DCLK1: variants seen among roughly 807,000 people sequenced by gnomAD.
DCLK1 encodes serine/threonine-protein kinase DCLK1.
Under a neutral mutation model 86.2 loss-of-function variants are expected in DCLK1, and 16 were observed. The observed-to-expected ratio is 0.19, with a 90% CI of 0.13 to 0.28. DCLK1 has a LOEUF of 0.28. Among genes scored for constraint, DCLK1 ranks in the 10% least tolerant of loss-of-function variants. The pLI is 1.00. For synonymous variants in DCLK1, 369 were observed against 370.5 expected (o/e 1.00, Z 0.05); for missense variants, 590 against 940.2 (o/e 0.63, Z 4.87).
chr13:35,794,100 T>C (rs1027070604), intron 15 of DCLK1, among the ~76,000 whole-genome samples: 3 of 152,252 alleles, frequency 2.0e-5, no homozygotes, highest in Non-Finnish European at 2.9e-5. Flanking sequence ...AAGGTCTCTA[T>C]TCTCTGCTGG....
chr13:35,813,730 C>CTTTTTTT (rs35366486), intron 11 of DCLK1, among the ~76,000 whole-genome samples: 3 of 105,446 alleles, frequency 2.8e-5, no homozygotes, highest in Non-Finnish European at 3.9e-5. Flanking sequence ...CCCCGCCCCG[C>CTTTTTTT]TTTTTTTTTT....
At chr13:35,838,434 C>T (rs1416019420) in intron 7 of DCLK1, among the ~76,000 whole-genome samples, 4 of 152,092 alleles carry the variant, frequency 2.6e-5, no homozygotes, top group African/African-American at 9.7e-5. Flanking sequence ...AACCTGGTAA[C>T]AGCCTTCAGG....
chr13:35,968,015 G>A (rs557715335), intron 3 of DCLK1, among the ~76,000 whole-genome samples: 25 of 151,124 alleles, frequency 1.7e-4, no homozygotes, highest in African/African-American at 3.9e-4. Flanking sequence ...GCAAGACTCC[G>A]TCTCAAAAAT....
At chr13:35,910,768 T>C (rs562543423) in intron 4 of DCLK1, among the ~76,000 whole-genome samples, 1 of 152,296 alleles carries the variant, frequency 6.6e-6, no homozygotes, top group Non-Finnish European at 1.5e-5. Context: ...CAGAAATTGC[T>C]GGAGGCAGGA....
chr13:35,937,390 C>T (rs188075531), intron 4 of DCLK1, among the ~76,000 whole-genome samples: 2 of 152,248 alleles, frequency 1.3e-5, no homozygotes, highest in Admixed American at 1.3e-4. Context: ...GCCCCACCCA[C>T]CTCATCCCCA....
chr13:36,079,134 C>T (rs1307996953), intron 3 of DCLK1, among the ~76,000 whole-genome samples: 1 of 152,102 alleles, frequency 6.6e-6, no homozygotes, highest in East Asian at 1.9e-4. Flanking sequence ...GTGGAAATGC[C>T]TAGAATGTTA....
At position 35,976,676 on chromosome 13, in the gene DCLK1, G is replaced by A. The variant is rs1048595605; in HGVS notation, c.724-29219C>T. Among the ~76,000 whole-genome samples the A allele has an allele frequency of 7.3e-5, 11 of 151,436 alleles. No homozygotes were observed. In the South Asian group the frequency reaches 1.3e-3, roughly 17 times the overall value. On this transcript the variant is annotated intron_variant, in intron 3 of 16. Transcript: ENST00000360631. ...CTCCCAAGTAGCTGGGACTACAGGC[G>A]CCCGCCACTGCGCCCGGCTAATTTT...
At chr13:36,077,386 A>C (rs964024854) in intron 3 of DCLK1, among the ~76,000 whole-genome samples, 2 of 152,132 alleles carry the variant, frequency 1.3e-5, no homozygotes, top group African/African-American at 4.8e-5. Context: ...CCCCCCTTCT[A>C]GATGTCACCT....
chr13:36,061,066 C>A (rs2153159249), intron 3 of DCLK1, among the ~76,000 whole-genome samples: 1 of 152,244 alleles, frequency 6.6e-6, no homozygotes, highest in Middle Eastern at 3.4e-3. Flanking sequence ...TCACACAGAT[C>A]TTTTAAAAGA....
intron 3 of DCLK1, among the ~76,000 whole-genome samples, chr13:35,996,913 C>G (rs1038277095): frequency 6.6e-6 from 1 of 152,324 alleles, no homozygotes. Context: ...TAGCTATTTA[C>G]TCAGAGCTTC....
chr13:36,111,070 G>A lies in DCLK1; in HGVS notation c.723+799C>T, dbSNP rs80126312. ...AGGATGGTCTCGATCTCCTGACCTC[G>A]TGATCCGCCTGCCTCGGCCTCCCAA... On this transcript the variant is annotated intron_variant, in intron 3 of 16. Coordinates refer to ENST00000360631, the MANE Select transcript of DCLK1 (RefSeq NM_001330071.2). Among the ~76,000 whole-genome samples the A allele has an allele frequency of 2.7e-3, 410 of 151,822 alleles. 2 individuals are homozygous for A. Among genetic ancestry groups the A allele is most frequent in the African/African-American group, 9.5e-3 (392 of 41,404 alleles).
At chr13:35,944,040 G>A (rs1877234405) in intron 4 of DCLK1, among the ~76,000 whole-genome samples, 1 of 152,148 alleles carries the variant, frequency 6.6e-6, no homozygotes, top group South Asian at 2.1e-4. Flanking sequence ...AACAAGGAAG[G>A]TGTTATTTTC....
chr13:35,824,753 G>A (rs572168355), intron 10 of DCLK1, among the ~76,000 whole-genome samples: 14 of 152,194 alleles, frequency 9.2e-5, no homozygotes, highest in African/African-American at 3.4e-4. Flanking sequence ...TCCCACAGCC[G>A]AAAGGAGGAG....
intron 3 of DCLK1, among the ~76,000 whole-genome samples, chr13:36,010,029 CTGTTGTTGG>C: frequency 2.7e-5 from 1 of 36,720 alleles, no homozygotes; most frequent in South Asian, 1.6e-3. Flanking sequence ...CTCTGTTTGT[CTGTTGTTGG>C]TGTATAGGAA....
At chr13:35,892,405 G>A (rs1470406357) in intron 4 of DCLK1, among the ~76,000 whole-genome samples, 1 of 152,184 alleles carries the variant, frequency 6.6e-6, no homozygotes, top group Admixed American at 6.5e-5. Context: ...CCACAAATCC[G>A]AAATGAGTCA....
At chr13:36,067,413 TG>T (rs1883797159) in intron 3 of DCLK1, among the ~76,000 whole-genome samples, 2 of 65,392 alleles carry the variant, frequency 3.1e-5, no homozygotes, top group Non-Finnish European at 2.8e-5. Flanking sequence ...TGTTGTGGGG[TG>T]GGGGGAGGGG....
intron 6 of DCLK1, among the ~76,000 whole-genome samples, chr13:35,845,747 T>A (rs1474810367): frequency 6.6e-6 from 1 of 152,222 alleles, no homozygotes; most frequent in Non-Finnish European, 1.5e-5. Context: ...GTGGTACCAT[T>A]CTGCAGTCTC....
chr13:35,892,291 A>T (rs1873693691), intron 4 of DCLK1, among the ~76,000 whole-genome samples: 1 of 152,220 alleles, frequency 6.6e-6, no homozygotes, highest in Non-Finnish European at 1.5e-5. Flanking sequence ...AAGTATAGGC[A>T]TTATTGCATT....
chr13:35,869,079 C>T (rs751437954), intron 5 of DCLK1: 9 of 504,474 alleles, frequency 1.8e-5, no homozygotes, highest in Middle Eastern at 3.2e-4. Context: ...GTATGAGCCA[C>T]CAGGCCCGGG....
Sources: allele counts gnomAD v4.1 joint callset (sites outside exome capture counted in the v4.1 genomes callset), GRCh38; gene constraint gnomAD v4.1.1; transcripts MANE v1.5; gene names NCBI Gene and HGNC (gene_info 2026-07-23, HGNC 2026-07-21).